The following CCDC60 variants were observed in gnomAD, a reference collection of about 807,000 sequenced individuals.
The protein encoded by CCDC60 is coiled-coil domain-containing protein 60.
Under a neutral mutation model 63.5 loss-of-function variants are expected in CCDC60, and 54 were observed. That is an observed-to-expected ratio of 0.85 (90% CI 0.68 to 1.07). The LOEUF is 1.07. Ranked by LOEUF, CCDC60 falls within the 50% of genes least tolerant of loss-of-function variation. The pLI, the probability that CCDC60 is intolerant of heterozygous loss-of-function variation, is 0.00. For missense variants in CCDC60, 651 were observed against 684.3 expected, an observed-to-expected ratio of 0.95 and a Z score of 0.54; for synonymous variants, 206 against 238.8, an observed-to-expected ratio of 0.86 and a Z score of 1.27.
At chr12:119,388,744 T>C (rs908411855) in intron 1 of CCDC60, among the ~76,000 whole-genome samples, 1 of 152,244 alleles carries the variant, frequency 6.6e-6, no homozygotes, top group Non-Finnish European at 1.5e-5. Context: ...TCTTTGTTCT[T>C]ACTTTGATTC....
chr12:119,404,255 A>T (rs1205827652), intron 1 of CCDC60, among the ~76,000 whole-genome samples: 1 of 152,162 alleles, frequency 6.6e-6, no homozygotes, highest in Non-Finnish European at 1.5e-5. Context: ...ACGCCACTGC[A>T]CTCCAGCCTG....
intron 1 of CCDC60, among the ~76,000 whole-genome samples, chr12:119,365,088 A>G (rs1204844127): frequency 6.6e-6 from 1 of 152,234 alleles, no homozygotes; most frequent in Non-Finnish European, 1.5e-5. Context: ...TGTGAGAAGT[A>G]TACTAAGCTC....
chr12:119,412,507 G>A (rs1956621042), intron 1 of CCDC60, among the ~76,000 whole-genome samples: 1 of 152,272 alleles, frequency 6.6e-6, no homozygotes, highest in Non-Finnish European at 1.5e-5. Context: ...TATCCAGGAT[G>A]AATTGCCAAA....
At chr12:119,357,156 T>G (rs770591644) in intron 1 of CCDC60, among the ~76,000 whole-genome samples, 16 of 152,210 alleles carry the variant, frequency 1.1e-4, no homozygotes, top group Non-Finnish European at 2.4e-4. Context: ...GTACAGGTGA[T>G]ATTTTGTTAT....
chr12:119,389,785 C>T (rs1956124404), intron 1 of CCDC60, among the ~76,000 whole-genome samples: 1 of 152,102 alleles, frequency 6.6e-6, no homozygotes, highest in Non-Finnish European at 1.5e-5. Context: ...AACACACAGG[C>T]ATGCACACAC....
At position 119,410,953 on chromosome 12, in the gene CCDC60, G is replaced by A. The variant is rs540616957; in HGVS notation, c.91-17730G>A. ...GTAGAGACAGGGTTTTGCCATGTTG[G>A]CTAGGCTGGCCTCAAGTGATCCCCA... On this transcript the variant is annotated intron_variant, in intron 1 of 13. Transcript: ENST00000327554. The surrounding 1 kb of genome is among the most constrained non-coding windows in gnomAD (Gnocchi z 4.0). Among the ~76,000 whole-genome samples the A allele has an allele frequency of 3.3e-5, 5 of 152,226 alleles. No individual in the cohort carries two copies. In the East Asian group the frequency reaches 9.7e-4, roughly 29 times the overall value.
At chr12:119,510,512 G>A (rs1405542950) in intron 7 of CCDC60, among the ~76,000 whole-genome samples, 1 of 151,978 alleles carries the variant, frequency 6.6e-6, no homozygotes, top group Non-Finnish European at 1.5e-5. Flanking sequence ...TGCTTTTATT[G>A]AATTATTAAT....
chr12:119,364,778 C>T (rs370105271), intron 1 of CCDC60, among the ~76,000 whole-genome samples: 32 of 152,306 alleles, frequency 2.1e-4, no homozygotes, highest in African/African-American at 7.0e-4. Flanking sequence ...TTTGGACAAC[C>T]GCAAGCATGA....
intron 6 of CCDC60, among the ~76,000 whole-genome samples, chr12:119,503,301 A>G (rs957697350): frequency 6.6e-6 from 1 of 152,196 alleles, no homozygotes; most frequent in African/African-American, 2.4e-5. Flanking sequence ...GAGCTCTGAT[A>G]TCATCTCTCC....
chr12:119,469,037 A>C (rs1394661210), intron 2 of CCDC60, among the ~76,000 whole-genome samples: 1 of 152,144 alleles, frequency 6.6e-6, no homozygotes, highest in Non-Finnish European at 1.5e-5. Flanking sequence ...ATTCTGTTCA[A>C]ACCAAAAGGA....
At chr12:119,537,919 A>G (rs1953051918) in intron 13 of CCDC60, among the ~76,000 whole-genome samples, 1 of 152,232 alleles carries the variant, frequency 6.6e-6, no homozygotes, top group Non-Finnish European at 1.5e-5. Context: ...GAGCTCAAAC[A>G]TCATGCTGGG....
At chr12:119,470,971 T>C (rs1951045143) in intron 2 of CCDC60, among the ~76,000 whole-genome samples, 2 of 152,246 alleles carry the variant, frequency 1.3e-5, no homozygotes, top group Non-Finnish European at 2.9e-5. Context: ...ATAAAATTGA[T>C]GGTTGCTTAT....
intron 4 of CCDC60, among the ~76,000 whole-genome samples, chr12:119,485,171 C>T (rs576954961): frequency 1.3e-4 from 20 of 152,222 alleles, no homozygotes; most frequent in Non-Finnish European, 2.1e-4. Flanking sequence ...ACTGCAATTA[C>T]CACCATTTTA....
intron 1 of CCDC60, among the ~76,000 whole-genome samples, chr12:119,418,027 T>C (rs192002874): frequency 1.2e-4 from 18 of 152,298 alleles, no homozygotes; most frequent in Admixed American, 3.3e-4. Flanking sequence ...TGTAGAAGAT[T>C]CCAAACCTAC....
chr12:119,363,159 G>A (rs1955808076), intron 1 of CCDC60, among the ~76,000 whole-genome samples: 1 of 152,212 alleles, frequency 6.6e-6, no homozygotes, highest in African/African-American at 2.4e-5. Flanking sequence ...TGTCAGCCAT[G>A]TATGAGAGCT....
At chr12:119,451,082 T>C (rs954266739) in intron 2 of CCDC60, among the ~76,000 whole-genome samples, 2 of 152,114 alleles carry the variant, frequency 1.3e-5, no homozygotes, top group African/African-American at 4.8e-5. Context: ...TTGAAAACTT[T>C]TGTTACTCAG....
chr12:119,448,533 A>G (rs1447892491), intron 2 of CCDC60, among the ~76,000 whole-genome samples: 2 of 152,196 alleles, frequency 1.3e-5, no homozygotes, highest in Non-Finnish European at 2.9e-5. Flanking sequence ...AGAAACAGTA[A>G]CTATCAAGAG....
Position 119,472,183 on chromosome 12 carries a change from T to C in CCDC60, c.341+19T>C. 6.2e-7 allele frequency: 1 copy of C among 1,611,104 alleles called. No homozygotes were observed. Among genetic ancestry groups the C allele is most frequent in the Non-Finnish European group, 8.5e-7 (1 of 1,178,148 alleles). ...TATTGAGGTAAGTGGATGCAGTAGCTGTGGCACTGAAGGTTTTGGGAATGA... is the reference window on the plus strand; with the variant it reads ...TATTGAGGTAAGTGGATGCAGTAGCCGTGGCACTGAAGGTTTTGGGAATGA... On this transcript the variant is annotated intron_variant, in intron 3 of 13. Transcript: ENST00000327554.
chr12:119,421,445 G>A (rs767615985), intron 1 of CCDC60, among the ~76,000 whole-genome samples: 65 of 152,292 alleles, frequency 4.3e-4, no homozygotes, highest in Admixed American at 1.0e-3. Flanking sequence ...GAACACAGTC[G>A]TCAATGTCAC....
Sources: gnomAD v4.1 joint callset for allele counts (sites outside exome capture counted in the v4.1 genomes callset) on GRCh38, gnomAD v4.1.1 for gene constraint, Gnocchi (gnomAD v3.1) non-coding constraint, MANE v1.5 for transcripts, NCBI Gene and HGNC (gene_info 2026-07-23, HGNC 2026-07-21) for gene names.